Variants in AFAP1L2 observed in about 807,000 individuals in gnomAD.
AFAP1L2 encodes actin filament associated protein 1 like 2.
A neutral mutation model predicts 99.3 loss-of-function variants in AFAP1L2; 46 were observed. That is an observed-to-expected ratio of 0.46 (90% confidence interval 0.37 to 0.59). AFAP1L2 has a LOEUF of 0.59. AFAP1L2 is among the 20% of genes least tolerant of loss of function. AFAP1L2 has a pLI of 0.00. For missense variants in AFAP1L2, 959 were observed against 1,034.9 expected (o/e 0.93, Z 1.01); for synonymous variants, 397 against 419.1 (o/e 0.95, Z 0.64).
intron 15 of AFAP1L2, among the ~76,000 whole-genome samples, chr10:114,299,934 C>T (rs1292670570): frequency 2.0e-5 from 3 of 152,168 alleles, no homozygotes; most frequent in South Asian, 4.2e-4. Context: ...CAGGGGCTCT[C>T]GGGCCTTTGG....
chr10:114,291,087 C>G (rs567154607), downstream of AFAP1L2: 327 of 1,052,950 alleles, frequency 3.1e-4, no homozygotes, highest in Admixed American at 2.1e-3. Context: ...GGTCTCTAAT[C>G]TGGCATCTTC....
At chr10:114,331,687 G>T in intron 4 of AFAP1L2, 116 bp downstream of exon 4, 1 of 717,460 alleles carries the variant, frequency 1.4e-6, no homozygotes, top group Non-Finnish European at 2.0e-6. Context: ...CCCAGTCCCT[G>T]AACACAGTAG....
At position 114,325,843 on chromosome 10, in the gene AFAP1L2, A is replaced by G. The variant is rs1373203475; in HGVS notation, c.316-2582T>C. 3 of 1,259,438 alleles carry G rather than the reference A, an allele frequency of 2.4e-6. No homozygotes were observed. In the East Asian group the frequency reaches 1.7e-4, roughly 72 times the overall value. The allele number at this position is 1,259,438 out of a possible 1,614,324, so 78.0% of individuals were successfully genotyped here. ...CAGACTTGCCTGTGGTCCACTAACA[A>G]CAGGCTCCCTAGGGTCCACAGGGAA... is the stretch of plus-strand genomic sequence containing the variant. On this transcript the variant is annotated intron_variant, in intron 4 of 18. Coordinates refer to ENST00000304129, the MANE Select transcript of AFAP1L2 (RefSeq NM_001001936.3).
At chr10:114,371,666 G>T (rs541241) in intron 1 of AFAP1L2, among the ~76,000 whole-genome samples, 25,948 of 151,996 alleles carry the variant, frequency 0.17, 2,813 homozygotes, top group Non-Finnish European at 0.24. Context: ...GTTGTGGGGT[G>T]GGGGGCTAGG....
intron 4 of AFAP1L2, among the ~76,000 whole-genome samples, chr10:114,329,539 G>A (rs556786701): frequency 5.3e-5 from 8 of 152,302 alleles, no homozygotes; most frequent in South Asian, 4.1e-4. Flanking sequence ...AGAATCAGAC[G>A]CTGGATTTAG....
At chr10:114,389,389 T>C (rs1441587928) in intron 1 of AFAP1L2, among the ~76,000 whole-genome samples, 1 of 152,226 alleles carries the variant, frequency 6.6e-6, no homozygotes, top group Non-Finnish European at 1.5e-5. Flanking sequence ...TGTATCATGC[T>C]TGGATACACT....
chr10:114,326,145 G>T, intron 4 of AFAP1L2: 2 of 872,828 alleles, frequency 2.3e-6, no homozygotes, highest in Non-Finnish European at 3.0e-6. Context: ...GTCCTGTCTA[G>T]GGTGGAGCCA....
At position 114,314,826 on chromosome 10, in the gene AFAP1L2, C is replaced by T. The variant is rs539558377; in HGVS notation, c.612+734G>A. Among the ~76,000 whole-genome samples, 5 of 152,232 alleles carry T rather than the reference C, an allele frequency of 3.3e-5. No individual in the cohort carries two copies. The East Asian group carries it at 9.7e-4, about 29-fold the overall frequency. On this transcript the variant is annotated intron_variant, in intron 6 of 18. Coordinates refer to ENST00000304129, the MANE Select transcript of AFAP1L2 (RefSeq NM_001001936.3). ...TTGTTGCTTCTGAGAAGATACCTAG[C>T]ATTCTCATGCTGCACAGATAAAAAC...
At chr10:114,401,896 A>G (rs938715519) in intron 1 of AFAP1L2, among the ~76,000 whole-genome samples, 3 of 152,224 alleles carry the variant, frequency 2.0e-5, no homozygotes, top group Non-Finnish European at 1.5e-5. Flanking sequence ...CTCCTACATG[A>G]ACTGCTTTAT....
intron 4 of AFAP1L2, among the ~76,000 whole-genome samples, chr10:114,327,866 C>A (rs1382389489): frequency 6.6e-6 from 1 of 152,204 alleles, no homozygotes; most frequent in East Asian, 1.9e-4. Context: ...AACCATCCTG[C>A]CCCAGAGTAT....
At chr10:114,350,476 T>A (rs958118775) in intron 1 of AFAP1L2, among the ~76,000 whole-genome samples, 1 of 152,226 alleles carries the variant, frequency 6.6e-6, no homozygotes, top group Non-Finnish European at 1.5e-5. Flanking sequence ...TTGGAGAACA[T>A]CTGCCGAACA....
intron 1 of AFAP1L2, among the ~76,000 whole-genome samples, chr10:114,370,995 G>A (rs185738984): frequency 2.0e-4 from 30 of 152,262 alleles, no homozygotes; most frequent in Non-Finnish European, 2.9e-4. Context: ...AATATTAAAC[G>A]GAACCTTAAG....
the AFAP1L2 span, among the ~76,000 whole-genome samples, chr10:114,285,451 A>T: frequency 6.6e-6 from 1 of 152,250 alleles, no homozygotes; most frequent in Non-Finnish European, 1.5e-5. Context: ...GACGCATATA[A>T]GGGCTTGATG....
chr10:114,391,758 G>C (rs540060289), intron 1 of AFAP1L2, among the ~76,000 whole-genome samples: 1 of 152,302 alleles, frequency 6.6e-6, no homozygotes, highest in South Asian at 2.1e-4. Flanking sequence ...GTGCTTACCA[G>C]GCAGCCCTGA....
In AFAP1L2 at chr10:114,295,645, C is replaced by G. The variant is rs1469634562; in HGVS notation, c.*397G>C. The G allele has an allele frequency of 6.0e-6, 6 of 1,004,338 alleles. No homozygotes were observed. Among genetic ancestry groups the G allele is most frequent in the Non-Finnish European group, 7.1e-6 (6 of 842,122 alleles). 62.2% of individuals were successfully genotyped at this position (1,004,338 alleles called of 1,614,324 possible). ...ATGGCCAGGAGTTTAGGTCTTCTCA[C>G]TCACCAAAGACACGTGACCCATAAG... On this transcript the variant is annotated 3_prime_UTR_variant, in exon 19 of 19. Transcript: ENST00000304129.
At chr10:114,329,380 G>A (rs2046907859) in intron 4 of AFAP1L2, among the ~76,000 whole-genome samples, 1 of 152,158 alleles carries the variant, frequency 6.6e-6, no homozygotes, top group Non-Finnish European at 1.5e-5. Flanking sequence ...TCCATGCTGT[G>A]CTTGTAAAAC....
intron 13 of AFAP1L2, among the ~76,000 whole-genome samples, 167 bp downstream of exon 13, chr10:114,301,187 G>C (rs1474277967): frequency 6.6e-6 from 1 of 152,194 alleles, no homozygotes; most frequent in African/African-American, 2.4e-5. Context: ...TCACATATAG[G>C]AGACAGCCTT....
the AFAP1L2 span, chr10:114,282,473 T>A: frequency 1.3e-6 from 2 of 1,549,800 alleles, no homozygotes; most frequent in Non-Finnish European, 1.8e-6. Context: ...GCCCTCCCCT[T>A]ACACCTCTGA....
intron 1 of AFAP1L2, among the ~76,000 whole-genome samples, chr10:114,382,589 T>TTC (rs757170861): frequency 0.045 from 2,274 of 50,980 alleles, 173 homozygotes; most frequent in Admixed American, 0.16. Context: ...ATTTCTTCTC[T>TTC]TTTTTTTTTT....
Sources: gnomAD v4.1 joint callset for allele counts (sites outside exome capture counted in the v4.1 genomes callset) on GRCh38, gnomAD v4.1.1 for gene constraint, MANE v1.5 for transcripts, NCBI Gene and HGNC (gene_info 2026-07-23, HGNC 2026-07-21) for gene names.